Variants in DLGAP5 observed in about 807,000 individuals in gnomAD.
DLGAP5 encodes disks large-associated protein 5.
DLGAP5 carries 90 observed loss-of-function variants against 99.6 expected under a neutral mutation model. The observed-to-expected ratio is 0.90, with a 90% confidence interval of 0.76 to 1.08. The LOEUF (loss-of-function observed/expected upper bound fraction) is 1.08, where lower values mean the gene tolerates loss of function less well. Ranked by LOEUF, DLGAP5 falls within the 50% of genes least tolerant of loss-of-function variation. The probability of loss-of-function intolerance (pLI) is 0.00; values close to 1 mark genes in which losing one functional copy is unlikely to be tolerated. For synonymous variants in DLGAP5, 311 were observed against 321.3 expected, an observed-to-expected ratio of 0.97 and a Z score of 0.34; for missense variants, 1,036 against 983.5, an observed-to-expected ratio of 1.05 and a Z score of -0.71.
At position 55,158,704 on chromosome 14, in the gene DLGAP5, T is replaced by C; in HGVS notation, c.1691A>G (p.Gln564Arg). 1 of 1,614,152 alleles carries C rather than the reference T, an allele frequency of 6.2e-7. No individual in the cohort carries two copies. Among genetic ancestry groups the C allele is most frequent in the African/African-American group, 1.3e-5 (1 of 75,046 alleles). Residue 564 changes from glutamine (Q) to arginine (R), a missense_variant, in exon 14 of 19, where the codon CAG becomes CGG. By Grantham distance (43) the Gln-to-Arg change is conservative (BLOSUM62 1). Transcript: ENST00000247191. ...VVSGIASKPK[Q>R]DDAGRIAARN... is the part of the protein sequence containing the mutation. ...CGCTGCAATTCTTCCAGCATCATCC[T>C]GTTTTGGTTTACTTGCTATACCTGA...
At chr14:55,156,131 C>G (rs973068080) in intron 14 of DLGAP5, among the ~76,000 whole-genome samples, 1 of 151,824 alleles carries the variant, frequency 6.6e-6, no homozygotes. Context: ...AACCCAATTT[C>G]TACCACATAA....
At chr14:55,149,057 T>C (rs1425716498) in intron 18 of DLGAP5, among the ~76,000 whole-genome samples, 1 of 152,092 alleles carries the variant, frequency 6.6e-6, no homozygotes, top group East Asian at 1.9e-4. Flanking sequence ...ATAATTTGGG[T>C]CTAAAATAGA....
intron 11 of DLGAP5, 92 bp downstream of exon 11, chr14:55,170,610 T>C: frequency 7.2e-6 from 8 of 1,113,362 alleles, no homozygotes; most frequent in Non-Finnish European, 5.3e-6. Flanking sequence ...AATGAAACAA[T>C]AAAGTTAGGC....
chr14:55,187,069 C>G (rs941781175), intron 2 of DLGAP5, among the ~76,000 whole-genome samples: 2 of 151,960 alleles, frequency 1.3e-5, no homozygotes, highest in Non-Finnish European at 2.9e-5. Flanking sequence ...CCACACCCAG[C>G]TGATTTTTGT....
At chr14:55,189,555 A>G (rs868644117) in intron 1 of DLGAP5, among the ~76,000 whole-genome samples, 2 of 152,348 alleles carry the variant, frequency 1.3e-5, no homozygotes, top group Middle Eastern at 6.8e-3. Flanking sequence ...GAATGCAGGT[A>G]GTCTAACATT....
At chr14:55,176,508 T>C (rs1410009762) in intron 8 of DLGAP5, among the ~76,000 whole-genome samples, 1 of 152,122 alleles carries the variant, frequency 6.6e-6, no homozygotes, top group Non-Finnish European at 1.5e-5. Flanking sequence ...ATTAAGTCAT[T>C]TATTAAAAAC....
chr14:55,187,982 C>T (rs967519083), intron 2 of DLGAP5, among the ~76,000 whole-genome samples: 3 of 152,104 alleles, frequency 2.0e-5, no homozygotes, highest in Non-Finnish European at 4.4e-5. Context: ...ACCTCTAAGC[C>T]TTTGCAAACG....
At chr14:55,172,820 A>G (rs1292664301) in intron 10 of DLGAP5, among the ~76,000 whole-genome samples, 1 of 151,886 alleles carries the variant, frequency 6.6e-6, no homozygotes, top group Non-Finnish European at 1.5e-5. Flanking sequence ...CGTCTCTACT[A>G]AAAATATAAA....
In DLGAP5 at chr14:55,165,866, C is replaced by A. The variant is rs112526514; in HGVS notation, c.1549-2791G>T. Among the ~76,000 whole-genome samples the A allele has an allele frequency of 1.1e-3, 175 of 152,222 alleles. 1 individual carries two copies. The highest frequency in any genetic ancestry group is 4.1e-3 in the African/African-American group (169 of 41,534). On this transcript the variant is annotated intron_variant, in intron 12 of 18. Coordinates refer to ENST00000247191, the MANE Select transcript of DLGAP5 (RefSeq NM_014750.5). The stretch of plus-strand genomic sequence containing the variant: ...GTAACTAAAACCACAGAAAGCAAGA[C>A]TGCTGATAAGGGGGGGCTACTATAA...
intron 15 of DLGAP5, among the ~76,000 whole-genome samples, chr14:55,153,356 A>G (rs917410669): frequency 2.6e-5 from 4 of 152,032 alleles, no homozygotes; most frequent in African/African-American, 7.2e-5. Flanking sequence ...CCTGGCTAAC[A>G]TGGTGAAACC....
At chr14:55,163,285 T>C (rs918180724) in intron 12 of DLGAP5, among the ~76,000 whole-genome samples, 4 of 152,204 alleles carry the variant, frequency 2.6e-5, no homozygotes, top group African/African-American at 9.6e-5. Flanking sequence ...AAAATCTACA[T>C]AAAGAATATC....
intron 10 of DLGAP5, among the ~76,000 whole-genome samples, chr14:55,171,028 C>A (rs960999685): frequency 1.2e-4 from 19 of 152,306 alleles, no homozygotes; most frequent in Admixed American, 5.2e-4. Context: ...ATACCAAGAA[C>A]CTACTTTTTA....
intron 10 of DLGAP5, among the ~76,000 whole-genome samples, chr14:55,171,135 T>C (rs2140318622): frequency 6.6e-6 from 1 of 152,354 alleles, no homozygotes; most frequent in South Asian, 2.1e-4. Flanking sequence ...TCTATGAAAC[T>C]AAAGCCAACT....
chr14:55,181,407 C>CCAA (rs974776499), intron 4 of DLGAP5, 110 bp from the exon 5 acceptor site: 28 of 750,128 alleles, frequency 3.7e-5, no homozygotes, highest in Non-Finnish European at 3.0e-5. Context: ...CGTAAATGAC[C>CCAA]CAACAACAAC....
intron 15 of DLGAP5, among the ~76,000 whole-genome samples, chr14:55,153,924 C>T (rs150223627): frequency 4.6e-5 from 7 of 152,086 alleles, no homozygotes; most frequent in East Asian, 1.9e-4. Context: ...GGCGTGGTGG[C>T]GCGTGTCTGT....
At chr14:55,165,764 T>C (rs1882619690) in intron 12 of DLGAP5, among the ~76,000 whole-genome samples, 1 of 152,160 alleles carries the variant, frequency 6.6e-6, no homozygotes. Flanking sequence ...ATAGAACAAT[T>C]ATAACAATAT....
In DLGAP5 at chr14:55,169,514, A is replaced by C; in HGVS notation, c.1433T>G (p.Met478Arg). The C allele has an allele frequency of 6.2e-7, 1 of 1,609,690 alleles. No individual in the cohort carries two copies. The highest frequency in any genetic ancestry group is 1.7e-5 in the Admixed American group (1 of 58,698). Residue 478 changes from methionine to arginine, a missense_variant, in exon 12 of 19, where the codon ATG becomes AGG. Coordinates refer to ENST00000247191, the MANE Select transcript of DLGAP5 (RefSeq NM_014750.5). Reference protein sequence around the residue: ...RTAVGQTRLLMKERFKQFEGL... With the variant: ...RTAVGQTRLLRKERFKQFEGL... ...TTCAAACTGTTTAAACCTTTCCTTC[A>C]TAAGGAGTCTTGTTTGACCAACTGC...
intron 14 of DLGAP5, among the ~76,000 whole-genome samples, chr14:55,155,253 G>A (rs1882169355): frequency 5.3e-5 from 8 of 151,288 alleles, no homozygotes; most frequent in Admixed American, 4.6e-4. Flanking sequence ...TCGAACTCCT[G>A]ACCTCAGGTG....
intron 4 of DLGAP5, among the ~76,000 whole-genome samples, chr14:55,181,617 T>G (rs1006815200): frequency 1.2e-4 from 18 of 152,328 alleles, no homozygotes; most frequent in African/African-American, 4.3e-4. Flanking sequence ...CTTTTAATTT[T>G]GCCTAGAAAA....
Sources: gnomAD v4.1 joint callset for allele counts (sites outside exome capture counted in the v4.1 genomes callset) on GRCh38, gnomAD v4.1.1 for gene constraint, MANE v1.5 for transcripts, NCBI Gene and HGNC (gene_info 2026-07-23, HGNC 2026-07-21) for gene names.